The following SPATA17 variants were observed in gnomAD, a reference collection of about 807,000 sequenced individuals.
SPATA17 encodes the protein spermatogenesis associated 17.
A neutral mutation model predicts 62.2 loss-of-function variants in SPATA17; 53 were observed. The observed-to-expected ratio is 0.85, with a 90% CI of 0.68 to 1.07. SPATA17 has a LOEUF of 1.07. Ranked by LOEUF, SPATA17 falls within the 50% of genes least tolerant of loss-of-function variation. SPATA17 has a pLI of 0.00. For missense variants in SPATA17, 466 were observed against 425.5 expected (o/e 1.10, Z -0.84); for synonymous variants, 146 against 146.8 (o/e 0.99, Z 0.04).
chr1:217,695,751 C>T (rs1252441748), intron 5 of SPATA17, among the ~76,000 whole-genome samples: 1 of 85,980 alleles, frequency 1.2e-5, no homozygotes, highest in African/African-American at 5.0e-5. Context: ...AATACCCTGC[C>T]GTGTGAGGTG....
At chr1:217,728,103 C>T (rs764789520) in intron 5 of SPATA17, among the ~76,000 whole-genome samples, 1 of 151,998 alleles carries the variant, frequency 6.6e-6, no homozygotes, top group Non-Finnish European at 1.5e-5. Context: ...AATAAAAGAA[C>T]AGTACTGGAA....
At chr1:217,743,098 C>A (rs1399522718) in intron 6 of SPATA17, among the ~76,000 whole-genome samples, 2 of 151,722 alleles carry the variant, frequency 1.3e-5, no homozygotes, top group Non-Finnish European at 2.9e-5. Context: ...ATTTGTGTAG[C>A]TGAGTTATCT....
At chr1:217,819,497 A>G (rs1250179288) in intron 9 of SPATA17, among the ~76,000 whole-genome samples, 1 of 151,966 alleles carries the variant, frequency 6.6e-6, no homozygotes, top group African/African-American at 2.4e-5. Context: ...GCCATGAACT[A>G]TCAAGTCACA....
At chr1:217,700,335 T>A (rs2102918690) in intron 5 of SPATA17, among the ~76,000 whole-genome samples, 1 of 152,342 alleles carries the variant, frequency 6.6e-6, no homozygotes, top group Middle Eastern at 3.4e-3. Context: ...TATTATTTTC[T>A]TGCTATAGGT....
intron 9 of SPATA17, among the ~76,000 whole-genome samples, 162 bp downstream of exon 9, chr1:217,802,012 AT>A (rs78524106): frequency 0.053 from 7,851 of 149,052 alleles, 248 homozygotes; most frequent in African/African-American, 0.086. Context: ...CCTATGTAAG[AT>A]TTTTTTTTTT....
chr1:217,804,415 A>G (rs1166620000), intron 9 of SPATA17, among the ~76,000 whole-genome samples: 1 of 152,218 alleles, frequency 6.6e-6, no homozygotes, highest in Non-Finnish European at 1.5e-5. Flanking sequence ...AAACTAGATT[A>G]AGACCTGAAA....
chr1:217,654,756 G>A (rs1292221244), intron 3 of SPATA17, among the ~76,000 whole-genome samples: 6 of 137,360 alleles, frequency 4.4e-5, no homozygotes, highest in African/African-American at 1.4e-4. Context: ...TCGCTCTGTC[G>A]TCCCAGGGTG....
intron 1 of SPATA17, among the ~76,000 whole-genome samples, chr1:217,632,247 C>T (rs750694046): frequency 7.2e-5 from 11 of 152,028 alleles, no homozygotes; most frequent in East Asian, 1.9e-4. Flanking sequence ...CATTCTGACA[C>T]GGTAACTAGT....
chr1:217,651,133 G>T lies in SPATA17; in HGVS notation c.195G>T (p.Trp65Cys), dbSNP rs1670304188. Reference protein sequence around the residue: ...LNRIVTIIQKWWRSFLGRKQY... With the variant: ...LNRIVTIIQKCWRSFLGRKQY... ...GGATTGTAACAATTATTCAAAAATG[G>T]TGGAGAAGTTTCTTAGGCAGAAAGC... Residue 65 changes from tryptophan (W) to cysteine (C), a missense_variant, in exon 3 of 11, where the codon TGG becomes TGT. Physicochemically the swap from Trp to Cys is radical, Grantham distance 215. Coordinates refer to ENST00000366933, the MANE Select transcript of SPATA17 (RefSeq NM_138796.4). 1 of 1,609,462 alleles carries T rather than the reference G, an allele frequency of 6.2e-7. No individual in the cohort carries two copies. Among genetic ancestry groups the T allele is most frequent in the South Asian group, 1.1e-5 (1 of 89,744 alleles).
At chr1:217,826,373 T>C (rs1675002501) in intron 9 of SPATA17, among the ~76,000 whole-genome samples, 1 of 152,168 alleles carries the variant, frequency 6.6e-6, no homozygotes. Context: ...TATAGAGCTT[T>C]ATTATATGAA....
chr1:217,788,357 T>A (rs1012343368), intron 8 of SPATA17, among the ~76,000 whole-genome samples: 1 of 152,152 alleles, frequency 6.6e-6, no homozygotes, highest in African/African-American at 2.4e-5. Context: ...CTGTTAGGCA[T>A]AATAATGCTT....
At position 217,817,640 on chromosome 1, in the gene SPATA17, C is replaced by A. The variant is rs1053147218; in HGVS notation, c.1005+15790C>A. On this transcript the variant is annotated intron_variant, in intron 9 of 10. Transcript: ENST00000366933. ...GATCCTCGACTGAGTGGAAACATAC[C>A]AAATCAATTTTACCCTCAACATGTT... 3.3e-5 allele frequency among the ~76,000 whole-genome samples: 5 copies of A among 151,942 alleles called. No homozygotes were observed. The South Asian group carries it at 8.3e-4, about 25-fold the overall frequency.
At chr1:217,684,177 T>C (rs1671165024) in intron 5 of SPATA17, among the ~76,000 whole-genome samples, 1 of 152,194 alleles carries the variant, frequency 6.6e-6, no homozygotes, top group Non-Finnish European at 1.5e-5. Context: ...TTCTGCAAAG[T>C]AAAGGCATCG....
chr1:217,715,904 T>G (rs886683748), intron 5 of SPATA17, among the ~76,000 whole-genome samples: 1 of 152,234 alleles, frequency 6.6e-6, no homozygotes, highest in Non-Finnish European at 1.5e-5. Flanking sequence ...TGTTAAATGC[T>G]GTCTTTGTAG....
At chr1:217,722,347 T>G (rs934720809) in intron 5 of SPATA17, among the ~76,000 whole-genome samples, 3 of 152,086 alleles carry the variant, frequency 2.0e-5, no homozygotes, top group Non-Finnish European at 4.4e-5. Context: ...AATAAAAAAT[T>G]AGTAAAAATT....
chr1:217,846,708 T>G (rs1331516140), intron 9 of SPATA17, among the ~76,000 whole-genome samples: 3 of 152,114 alleles, frequency 2.0e-5, no homozygotes, highest in Non-Finnish European at 4.4e-5. Flanking sequence ...CTTTTGTACC[T>G]GATTTATTTA....
intron 5 of SPATA17, among the ~76,000 whole-genome samples, chr1:217,716,735 A>T (rs1433723963): frequency 6.6e-6 from 1 of 152,260 alleles, no homozygotes; most frequent in Non-Finnish European, 1.5e-5. Context: ...TATTATAATC[A>T]GAAATGTCAT....
At chr1:217,687,387 A>T (rs1047592174) in intron 5 of SPATA17, among the ~76,000 whole-genome samples, 2 of 152,162 alleles carry the variant, frequency 1.3e-5, no homozygotes, top group Admixed American at 6.5e-5. Flanking sequence ...TATATTTGGT[A>T]CAATTATTAC....
chr1:217,717,162 G>C (rs1672023315), intron 5 of SPATA17, among the ~76,000 whole-genome samples: 1 of 152,106 alleles, frequency 6.6e-6, no homozygotes, highest in Admixed American at 6.5e-5. Flanking sequence ...TGCTATTGAG[G>C]CTAGAAAACT....
Sources: gnomAD v4.1 joint callset for allele counts (sites outside exome capture counted in the v4.1 genomes callset) on GRCh38, gnomAD v4.1.1 for gene constraint, MANE v1.5 for transcripts, NCBI Gene and HGNC (gene_info 2026-07-23, HGNC 2026-07-21) for gene names.